The following SGCZ variants were observed in gnomAD, a reference collection of about 807,000 sequenced individuals.
The protein encoded by SGCZ is sarcoglycan zeta.
Under a neutral mutation model 41.3 loss-of-function variants are expected in SGCZ, and 40 were observed. That is an observed-to-expected ratio of 0.97 (90% CI 0.75 to 1.26). The LOEUF is 1.26. Among genes scored for constraint, SGCZ ranks in the 50% most tolerant of loss-of-function variants. SGCZ has a pLI of 0.00. For synonymous variants in SGCZ, 206 were observed against 137.5 expected (o/e 1.50, Z -3.49); for missense variants, 552 against 369.8 (o/e 1.49, Z -4.04).
intron 1 of SGCZ, among the ~76,000 whole-genome samples, chr8:14,608,764 C>G (rs914068927): frequency 1.3e-5 from 2 of 152,014 alleles, no homozygotes; most frequent in African/African-American, 4.8e-5. Flanking sequence ...ACGTCCAACA[C>G]TGGAGATCAC....
chr8:14,381,075 A>G (rs1804343811), intron 2 of SGCZ, among the ~76,000 whole-genome samples: 1 of 151,904 alleles, frequency 6.6e-6, no homozygotes, highest in South Asian at 2.1e-4. Flanking sequence ...TGACTTGATC[A>G]TAATTAGCAA....
At chr8:14,645,751 C>T (rs539603753) in intron 1 of SGCZ, among the ~76,000 whole-genome samples, 60 of 151,470 alleles carry the variant, frequency 4.0e-4, no homozygotes, top group Middle Eastern at 3.4e-3. Context: ...TAAATTTTTA[C>T]GTAGTAAGTT....
chr8:15,170,594 A>G (rs909184174), intron 1 of SGCZ, among the ~76,000 whole-genome samples: 20 of 152,242 alleles, frequency 1.3e-4, no homozygotes, highest in Non-Finnish European at 2.8e-4. Flanking sequence ...AGAGTCCACC[A>G]GATCATGTGT....
chr8:14,756,943 G>A (rs1799691519), intron 1 of SGCZ, among the ~76,000 whole-genome samples: 1 of 152,156 alleles, frequency 6.6e-6, no homozygotes, highest in Admixed American at 6.5e-5. Flanking sequence ...TGTAAAAACG[G>A]CAGAATACTT....
At chr8:15,186,799 A>G (rs1183572285) in intron 1 of SGCZ, among the ~76,000 whole-genome samples, 2 of 152,238 alleles carry the variant, frequency 1.3e-5, no homozygotes, top group Non-Finnish European at 2.9e-5. Flanking sequence ...AAAGAAGTCT[A>G]CAACATTGAT....
chr8:14,480,334 C>G (rs1049496794), intron 2 of SGCZ, among the ~76,000 whole-genome samples: 4 of 152,160 alleles, frequency 2.6e-5, no homozygotes, highest in African/African-American at 9.7e-5. Context: ...TATTTTTTCT[C>G]TTTTCTTCAG....
At chr8:15,051,718 T>C (rs909207843) in intron 1 of SGCZ, among the ~76,000 whole-genome samples, 1 of 152,226 alleles carries the variant, frequency 6.6e-6, no homozygotes, top group Admixed American at 6.5e-5. Context: ...TGATATCTCA[T>C]TGTGGTTTTA....
At chr8:14,324,017 G>C (rs1364998601) in intron 3 of SGCZ, 86 bp downstream of exon 3, 2 of 816,776 alleles carry the variant, frequency 2.4e-6, no homozygotes, top group East Asian at 2.6e-5. Flanking sequence ...ATGCTGAAGA[G>C]ATAAGGGGAT....
At chr8:14,621,423 A>T (rs1389536668) in intron 1 of SGCZ, among the ~76,000 whole-genome samples, 1 of 152,150 alleles carries the variant, frequency 6.6e-6, no homozygotes, top group Non-Finnish European at 1.5e-5. Context: ...GTACCATAGA[A>T]CTTAAAGTAT....
rs933972567 is a variant in SGCZ, at chr8:15,059,673, T to G, written c.39+177912A>C. Among the ~76,000 whole-genome samples, 4 of 152,248 alleles carry G rather than the reference T, an allele frequency of 2.6e-5. No homozygotes were observed. The East Asian group carries it at 7.7e-4, about 29-fold the overall frequency. ...AATTAATGATACTTAACTTATATATTTGTGTCTTTGCTTATATTGAATTTC... is the reference window on the plus strand; with the variant it reads ...AATTAATGATACTTAACTTATATATGTGTGTCTTTGCTTATATTGAATTTC... On this transcript the variant is annotated intron_variant, in intron 1 of 7. Coordinates refer to ENST00000382080, the MANE Select transcript of SGCZ (RefSeq NM_139167.4).
chr8:15,039,047 G>C (rs1803979302), intron 1 of SGCZ, among the ~76,000 whole-genome samples: 1 of 151,986 alleles, frequency 6.6e-6, no homozygotes, highest in Admixed American at 6.6e-5. Flanking sequence ...AAATTAGTAT[G>C]GCCACTATGG....
At chr8:14,317,091 C>G (rs910055722) in intron 3 of SGCZ, among the ~76,000 whole-genome samples, 1 of 152,024 alleles carries the variant, frequency 6.6e-6, no homozygotes, top group Non-Finnish European at 1.5e-5. Flanking sequence ...TTTGATTCTA[C>G]TTTTGAATCA....
chr8:14,902,613 T>C (rs1382855670), intron 1 of SGCZ, among the ~76,000 whole-genome samples: 1 of 152,192 alleles, frequency 6.6e-6, no homozygotes, highest in African/African-American at 2.4e-5. Flanking sequence ...ATATGGGATT[T>C]GGTGAATACT....
chr8:14,255,454 C>G (rs898124294), intron 3 of SGCZ, among the ~76,000 whole-genome samples: 2 of 151,868 alleles, frequency 1.3e-5, no homozygotes, highest in Admixed American at 6.6e-5. Context: ...ATGCCCAACA[C>G]CAACATGTAA....
chr8:14,565,798 T>C (rs1489343847), intron 1 of SGCZ, among the ~76,000 whole-genome samples: 2 of 152,108 alleles, frequency 1.3e-5, no homozygotes, highest in African/African-American at 4.8e-5. Context: ...AAAAAGATAA[T>C]AGAGGATGGC....
intron 1 of SGCZ, among the ~76,000 whole-genome samples, chr8:14,599,131 T>C (rs1805506190): frequency 6.6e-6 from 1 of 152,176 alleles, no homozygotes; most frequent in African/African-American, 2.4e-5. Context: ...TTCATCTCCG[T>C]ACATCAATTT....
chr8:14,155,406 G>A (rs780123655), intron 5 of SGCZ, among the ~76,000 whole-genome samples: 2 of 152,074 alleles, frequency 1.3e-5, no homozygotes, highest in Middle Eastern at 3.2e-3. Flanking sequence ...ACAGCCAGAG[G>A]TTCCCACTGG....
At chr8:14,344,361 A>G (rs1044144875) in intron 2 of SGCZ, among the ~76,000 whole-genome samples, 1 of 152,114 alleles carries the variant, frequency 6.6e-6, no homozygotes, top group Non-Finnish European at 1.5e-5. Context: ...GCTACACTAT[A>G]TACAGTGTGG....
chr8:14,393,259 G>T (rs1804845946), intron 2 of SGCZ, among the ~76,000 whole-genome samples: 1 of 152,076 alleles, frequency 6.6e-6, no homozygotes, highest in African/African-American at 2.4e-5. Flanking sequence ...ATGAAAACCA[G>T]CCCCAATCAT....
Sources: gnomAD v4.1 joint callset for allele counts (sites outside exome capture counted in the v4.1 genomes callset) on GRCh38, gnomAD v4.1.1 for gene constraint, MANE v1.5 for transcripts, NCBI Gene and HGNC (gene_info 2026-07-23, HGNC 2026-07-21) for gene names.